CRYBG1: variants seen among roughly 807,000 people sequenced by gnomAD.
CRYBG1 encodes crystallin beta-gamma domain containing 1.
Under a neutral mutation model 189.2 loss-of-function variants are expected in CRYBG1, and 139 were observed. The ratio of observed to expected loss-of-function variants is 0.73; its 90% confidence interval spans 0.64 to 0.85. The LOEUF is 0.85. Ranked by LOEUF, CRYBG1 falls within the 40% of genes least tolerant of loss-of-function variation. The pLI, the probability that CRYBG1 is intolerant of heterozygous loss-of-function variation, is 0.00. For synonymous variants in CRYBG1, 1,023 were observed against 1,017.1 expected (o/e 1.01, Z -0.11); for missense variants, 2,611 against 2,675.8 (o/e 0.98, Z 0.53).
rs560997452 is a variant in CRYBG1, at chr6:106,399,236, A to G, written c.173+38155A>G. ...CCCTTTGTTAATTTTGTATGCAGAAAATCCTGACATAAGCCACTAAATCCA... is the reference window on the plus strand; with the variant it reads ...CCCTTTGTTAATTTTGTATGCAGAAGATCCTGACATAAGCCACTAAATCCA... On this transcript the variant is annotated intron_variant, in intron 1 of 21. Transcript: ENST00000633556. 1.7e-4 allele frequency among the ~76,000 whole-genome samples: 26 copies of G among 152,358 alleles called. No homozygotes were observed. In the South Asian group the frequency reaches 5.0e-3, roughly 29 times the overall value.
chr6:106,506,928 G>C (rs904824661), intron 2 of CRYBG1, among the ~76,000 whole-genome samples: 1 of 152,114 alleles, frequency 6.6e-6, no homozygotes, highest in African/African-American at 2.4e-5. Context: ...AAAAATTCAT[G>C]ATTCGGCCAG....
intron 2 of CRYBG1, among the ~76,000 whole-genome samples, chr6:106,476,284 C>A (rs1443744660): frequency 6.6e-6 from 1 of 152,162 alleles, no homozygotes; most frequent in Non-Finnish European, 1.5e-5. Flanking sequence ...TGGAGAAAGG[C>A]ACTGGGCACT....
intron 1 of CRYBG1, among the ~76,000 whole-genome samples, chr6:106,416,470 A>G (rs535009407): frequency 1.3e-5 from 2 of 152,330 alleles, no homozygotes; most frequent in South Asian, 2.1e-4. Context: ...TTCATTTTAT[A>G]TAAGCCTGAG....
At chr6:106,496,197 A>G (rs1772847330) in intron 2 of CRYBG1, among the ~76,000 whole-genome samples, 1 of 152,234 alleles carries the variant, frequency 6.6e-6, no homozygotes, top group Admixed American at 6.5e-5. Flanking sequence ...ATAAATTATA[A>G]GAAATAACAA....
At chr6:106,458,565 A>AT (rs1450429701) in intron 2 of CRYBG1, among the ~76,000 whole-genome samples, 2 of 152,052 alleles carry the variant, frequency 1.3e-5, no homozygotes, top group South Asian at 2.1e-4. Flanking sequence ...TTATTTATAA[A>AT]TTTTTTTTCA....
Position 106,519,403 on chromosome 6 carries a change from A to C in CRYBG1, c.2195A>C (p.Lys732Thr). 1.2e-6 allele frequency: 2 copies of C among 1,614,146 alleles called. No homozygotes were observed. The highest frequency in any genetic ancestry group is 1.7e-6 in the Non-Finnish European group (2 of 1,180,044). Residue 732 changes from lysine to threonine, a missense_variant, in exon 4 of 22, where the codon AAA (lysine) becomes ACA (threonine). Lys to Thr is a moderately conservative substitution (Grantham distance 78). This residue lies in a region of CRYBG1 where 1,622 missense variants were observed against 1,735.0 expected (regional missense o/e 0.93). Transcript: ENST00000633556. The part of the protein sequence containing the change: ...KAKEMEQPEK[K>T]VMPNSPQNGV... ...AAAGAAATGGAGCAACCTGAAAAGA[A>C]AGTAATGCCAAACAGTCCCCAGAAT... is the stretch of plus-strand genomic sequence containing the variant.
chr6:106,413,070 C>A (rs980918497), intron 1 of CRYBG1, among the ~76,000 whole-genome samples: 1 of 151,890 alleles, frequency 6.6e-6, no homozygotes, highest in Non-Finnish European at 1.5e-5. Context: ...CCTGTGAGAA[C>A]AACATTCTCA....
chr6:106,556,082 C>G (rs915730969), intron 17 of CRYBG1, among the ~76,000 whole-genome samples, 185 bp downstream of exon 17: 4 of 152,156 alleles, frequency 2.6e-5, no homozygotes, highest in Admixed American at 6.5e-5. Flanking sequence ...TTCCACCACC[C>G]TGTTTTACTC....
chr6:106,399,839 T>C (rs1770688034), intron 1 of CRYBG1, among the ~76,000 whole-genome samples: 2 of 151,710 alleles, frequency 1.3e-5, no homozygotes, highest in Admixed American at 6.6e-5. Context: ...TTACCTTTTG[T>C]AGAGAAAATA....
intron 2 of CRYBG1, among the ~76,000 whole-genome samples, chr6:106,504,482 T>C (rs571969334): frequency 3.3e-5 from 5 of 152,030 alleles, no homozygotes; most frequent in Non-Finnish European, 7.4e-5. Context: ...TAGTTCTGTC[T>C]CCAGAATCAT....
intron 1 of CRYBG1, among the ~76,000 whole-genome samples, chr6:106,361,383 G>A (rs1771866238): frequency 6.6e-6 from 1 of 152,228 alleles, no homozygotes; most frequent in South Asian, 2.1e-4. Flanking sequence ...GCTAACCAGA[G>A]CGGCGGGGAG....
chr6:106,390,533 A>G lies in CRYBG1; in HGVS notation c.173+29452A>G, dbSNP rs535984813. Among the ~76,000 whole-genome samples the G allele has an allele frequency of 2.7e-4, 41 of 152,248 alleles. No individual in the cohort carries two copies. The South Asian group carries it at 7.7e-3, about 29-fold the overall frequency. Reference sequence around the variant, plus strand: ...ATTTGTGTATATACATGTAACCACAATCCAGATAAAAATATGAAACATTAC... The same window carrying G: ...ATTTGTGTATATACATGTAACCACAGTCCAGATAAAAATATGAAACATTAC... On this transcript the variant is annotated intron_variant, in intron 1 of 21. Coordinates refer to ENST00000633556, the MANE Select transcript of CRYBG1 (RefSeq NM_001371242.2).
At chr6:106,400,252 A>T (rs12209473) in intron 1 of CRYBG1, among the ~76,000 whole-genome samples, 12,291 of 152,138 alleles carry the variant, frequency 0.081, 644 homozygotes, top group East Asian at 0.15. Context: ...AGTATTGAGA[A>T]GACAGGCATG....
chr6:106,512,030 C>A lies in CRYBG1; in HGVS notation c.913C>A (p.Pro305Thr), dbSNP rs1773275433. The A allele has an allele frequency of 2.0e-6, 3 of 1,530,148 alleles. No individual in the cohort carries two copies. The highest frequency in any genetic ancestry group is 2.6e-6 in the Non-Finnish European group (3 of 1,143,742). 94.8% of individuals were successfully genotyped at this position (1,530,148 alleles called of 1,614,324 possible). Residue 305 changes from proline to threonine, a missense_variant, in exon 3 of 22, where the codon CCC becomes ACC. By Grantham distance (38) the Pro-to-Thr change is conservative. Coordinates refer to ENST00000633556, the MANE Select transcript of CRYBG1 (RefSeq NM_001371242.2). ...GCCAGGGTCGCCCACCCAGGAGCGG[C>A]CCGCGGGAGGACTAGGCGAGGCCCC... is the stretch of plus-strand genomic sequence containing the variant. ...GAPGSPTQERPAGGLGEAPNG... is the reference protein window; with the variant it reads ...GAPGSPTQERTAGGLGEAPNG...
At chr6:106,428,517 G>A (rs1226971192) in intron 1 of CRYBG1, among the ~76,000 whole-genome samples, 2 of 152,038 alleles carry the variant, frequency 1.3e-5, no homozygotes, top group Non-Finnish European at 2.9e-5. Context: ...AATTTGTAAC[G>A]AGGTTTGCAG....
At chr6:106,463,626 G>A (rs1045874416) in intron 2 of CRYBG1, among the ~76,000 whole-genome samples, 12 of 152,230 alleles carry the variant, frequency 7.9e-5, no homozygotes, top group Non-Finnish European at 1.5e-4. Context: ...ATGCTGAAGT[G>A]ACAGTTGGAG....
At chr6:106,516,207 G>A (rs977064445) in intron 3 of CRYBG1, among the ~76,000 whole-genome samples, 3 of 150,736 alleles carry the variant, frequency 2.0e-5, no homozygotes, top group African/African-American at 7.3e-5. Context: ...CATACTGCCT[G>A]TCCCTTCTAG....
intron 2 of CRYBG1, among the ~76,000 whole-genome samples, chr6:106,452,244 T>TAA (rs368102917): frequency 2.0e-4 from 22 of 108,818 alleles, no homozygotes; most frequent in Admixed American, 2.7e-4. Flanking sequence ...CAGACTCTAC[T>TAA]AAAAAAAAAA....
intron 18 of CRYBG1, among the ~76,000 whole-genome samples, chr6:106,559,385 G>A (rs1456372325): frequency 1.3e-5 from 2 of 152,232 alleles, no homozygotes; most frequent in African/African-American, 2.4e-5. Flanking sequence ...TACCATCAAT[G>A]TAATACATGT....
Sources: gnomAD v4.1 joint callset for allele counts (sites outside exome capture counted in the v4.1 genomes callset) on GRCh38, gnomAD v4.1.1 for gene constraint, gnomAD v4.1.1 regional missense constraint, MANE v1.5 for transcripts, NCBI Gene and HGNC (gene_info 2026-07-23, HGNC 2026-07-21) for gene names.